MEIS1: variants seen among roughly 807,000 people sequenced by gnomAD.
MEIS1 encodes the protein homeobox protein Meis1.
In MEIS1, 5 loss-of-function variants were observed where a neutral mutation model predicts 50.8. The observed-to-expected ratio is 0.10, with a 90% confidence interval of 0.05 to 0.21. MEIS1 has a LOEUF of 0.21. Ranked by LOEUF, MEIS1 falls within the 10% of genes least tolerant of loss-of-function variation. The pLI, the probability that MEIS1 is intolerant of heterozygous loss-of-function variation, is 1.00. For missense variants in MEIS1, 318 were observed against 517.3 expected, an observed-to-expected ratio of 0.61 and a Z score of 3.74; for synonymous variants, 176 against 179.3, an observed-to-expected ratio of 0.98 and a Z score of 0.15.
Position 66,509,109 on chromosome 2 carries a change from A to G in MEIS1, c.743-3040A>G, listed in dbSNP as rs535749097. On this transcript the variant is annotated intron_variant, in intron 7 of 12. Coordinates refer to ENST00000272369, the MANE Select transcript of MEIS1 (RefSeq NM_002398.3). ...GTGACTATATCAAATTGCGGAGTGA[A>G]TGGAAATGCTAAAGGTACAATTGAC... The G allele has an allele frequency of 2.3e-5, 11 of 469,604 alleles. No individual in the cohort carries two copies. In the East Asian group the frequency reaches 3.5e-4, roughly 15 times the overall value. 29.1% of individuals were successfully genotyped at this position (469,604 alleles called of 1,614,324 possible). A position where few individuals can be genotyped will look rare whatever the true frequency, so the allele number is the denominator to read the frequency against.
intron 7 of MEIS1, among the ~76,000 whole-genome samples, chr2:66,467,332 C>T (rs1672662352): frequency 6.6e-6 from 1 of 151,570 alleles, no homozygotes; most frequent in South Asian, 2.1e-4. Context: ...AGCAGTGGCT[C>T]ACGCCTGTAA....
At chr2:66,527,968 G>A (rs1558551517) in intron 8 of MEIS1, among the ~76,000 whole-genome samples, 1 of 152,142 alleles carries the variant, frequency 6.6e-6, no homozygotes, top group Non-Finnish European at 1.5e-5. Flanking sequence ...TGTTTGAAAA[G>A]GGCATGGATC....
chr2:66,475,461 G>A (rs748228523), intron 7 of MEIS1, among the ~76,000 whole-genome samples: 26 of 151,444 alleles, frequency 1.7e-4, no homozygotes, highest in Non-Finnish European at 2.2e-4. Flanking sequence ...GTAGATGAAC[G>A]AATTAGAATG....
chr2:66,569,360 T>C (rs147246224), intron 12 of MEIS1: 5 of 427,374 alleles, frequency 1.2e-5, no homozygotes, highest in African/African-American at 4.0e-5. Flanking sequence ...GTGTTGCTAT[T>C]GTACAGTACT....
chr2:66,460,328 A>G (rs896050280), intron 6 of MEIS1, among the ~76,000 whole-genome samples: 1 of 152,318 alleles, frequency 6.6e-6, no homozygotes, highest in Admixed American at 6.5e-5. Context: ...TTTTACTACC[A>G]GATGCCAGTA....
At chr2:66,529,692 C>G (rs1308500943) in intron 8 of MEIS1, among the ~76,000 whole-genome samples, 1 of 152,160 alleles carries the variant, frequency 6.6e-6, no homozygotes, top group Non-Finnish European at 1.5e-5. Context: ...AAGGTAGATC[C>G]TTTTGCAATC....
At chr2:66,562,062 TTTTTTTTTA>T in intron 9 of MEIS1, 1 of 140,866 alleles carries the variant, frequency 7.1e-6, no homozygotes, top group African/African-American at 2.6e-5. Context: ...TTTTTTTTTT[TTTTTTTTTA>T]CTTTTATCAG....
rs1016097160 is a variant in MEIS1, at chr2:66,569,180, C to G, written c.*37+35C>G. On this transcript the variant is annotated intron_variant, in intron 12 of 12. Transcript: ENST00000272369. ...AATGGGGTCTTTGTTTTCACTTTGT[C>G]CTAGGAATATTTTTCCTCTTGCATT... 5.8e-6 allele frequency: 9 copies of G among 1,551,822 alleles called. No homozygotes were observed. In the African/African-American group the frequency reaches 1.2e-4, roughly 21 times the overall value.
intron 7 of MEIS1, among the ~76,000 whole-genome samples, chr2:66,482,274 A>G (rs1463595302): frequency 6.6e-6 from 1 of 152,122 alleles, no homozygotes; most frequent in Non-Finnish European, 1.5e-5. Context: ...AGATTCTGAA[A>G]TGTGCCCACC....
At chr2:66,510,899 A>G (rs1311884340) in intron 7 of MEIS1, among the ~76,000 whole-genome samples, 1 of 152,224 alleles carries the variant, frequency 6.6e-6, no homozygotes, top group Non-Finnish European at 1.5e-5. Context: ...AGCCATGGAA[A>G]TGAACCTGAG....
At chr2:66,475,351 T>G (rs1292248320) in intron 7 of MEIS1, among the ~76,000 whole-genome samples, 1 of 147,572 alleles carries the variant, frequency 6.8e-6, no homozygotes, top group Non-Finnish European at 1.5e-5. Flanking sequence ...TATTTATATA[T>G]GCATAAATAT....
intron 7 of MEIS1, among the ~76,000 whole-genome samples, chr2:66,464,664 C>G (rs117500237): frequency 1.3e-5 from 2 of 152,180 alleles, no homozygotes; most frequent in Non-Finnish European, 2.9e-5. Context: ...CGGCTTCCCT[C>G]TCCACTGGGT....
At chr2:66,533,774 T>C (rs550061170) in intron 8 of MEIS1, among the ~76,000 whole-genome samples, 1 of 152,188 alleles carries the variant, frequency 6.6e-6, no homozygotes, top group African/African-American at 2.4e-5. Flanking sequence ...ATGGGGCCCG[T>C]CTATGTGGGG....
intron 8 of MEIS1, among the ~76,000 whole-genome samples, chr2:66,525,086 G>C (rs1050132287): frequency 1.3e-5 from 2 of 151,972 alleles, no homozygotes; most frequent in Non-Finnish European, 2.9e-5. Flanking sequence ...GGCGGGGCAC[G>C]CTTGTAGTCC....
At chr2:66,542,239 T>C (rs1363971232) in intron 8 of MEIS1, among the ~76,000 whole-genome samples, 3 of 152,140 alleles carry the variant, frequency 2.0e-5, no homozygotes, top group Non-Finnish European at 4.4e-5. Context: ...AGTAGAAGTT[T>C]TAAAAGAGCA....
rs544024566 is a variant in MEIS1 at position 66,501,198 on chromosome 2, A to C, written c.743-10951A>C. ...GGTACTAGTTCTGAAAATTCTTTCT[A>C]AGCTGTTGATTCAAAATAAAAGTTT... On this transcript the variant is annotated intron_variant, in intron 7 of 12. Transcript: ENST00000272369. Among the ~76,000 whole-genome samples the C allele has an allele frequency of 8.5e-4, 129 of 152,314 alleles. 1 individual carries two copies. Among genetic ancestry groups the C allele is most frequent in the African/African-American group, 3.0e-3 (125 of 41,574 alleles).
Position 66,435,742 on chromosome 2 carries a change from GCTTT to G in MEIS1, c.-114_-111del. On this transcript the variant is annotated 5_prime_UTR_variant, in exon 1 of 13. Coordinates refer to ENST00000272369, the MANE Select transcript of MEIS1 (RefSeq NM_002398.3). ...GAGACGTTAAGGGATTTTTCGTCGT[GCTTT>G]TTTTTTTTTTTTTTTTTTTTTCCGG... is the stretch of plus-strand genomic sequence containing the variant. The G allele has an allele frequency of 1.4e-6, 1 of 705,706 alleles. No individual in the cohort carries two copies. Among genetic ancestry groups the G allele is most frequent in the South Asian group, 2.2e-5 (1 of 44,656 alleles). The allele number at this position is 705,706 out of a possible 1,614,324, so 43.7% of individuals were successfully genotyped here.
chr2:66,560,430 AC>A (rs935874403), intron 9 of MEIS1, among the ~76,000 whole-genome samples: 2 of 151,742 alleles, frequency 1.3e-5, no homozygotes, highest in African/African-American at 4.8e-5. Flanking sequence ...TACAAAAAAA[AC>A]AAAACGACAA....
chr2:66,465,788 A>G (rs1672621470), intron 7 of MEIS1, among the ~76,000 whole-genome samples: 1 of 152,170 alleles, frequency 6.6e-6, no homozygotes, highest in Non-Finnish European at 1.5e-5. Flanking sequence ...TGTTTTCTCA[A>G]ACATAGTATG....
Sources: allele counts gnomAD v4.1 joint callset (sites outside exome capture counted in the v4.1 genomes callset), GRCh38; gene constraint gnomAD v4.1.1; transcripts MANE v1.5; gene names NCBI Gene and HGNC (gene_info 2026-07-23, HGNC 2026-07-21).